CCSER1: variants seen among roughly 807,000 people sequenced by gnomAD.
The protein encoded by CCSER1 is serine-rich coiled-coil domain-containing protein 1.
A neutral mutation model predicts 82.0 loss-of-function variants in CCSER1; 41 were observed. The ratio of observed to expected loss-of-function variants is 0.50; its 90% confidence interval spans 0.39 to 0.65. The LOEUF (loss-of-function observed/expected upper bound fraction) is 0.65. Among genes scored for constraint, CCSER1 ranks in the 30% least tolerant of loss-of-function variants. The pLI is 0.00. For synonymous variants in CCSER1, 414 were observed against 383.9 expected (o/e 1.08, Z -0.92); for missense variants, 1,119 against 1,064.2 (o/e 1.05, Z -0.72).
chr4:91,179,493 G>A (rs1261500066), intron 10 of CCSER1, among the ~76,000 whole-genome samples: 13 of 152,158 alleles, frequency 8.5e-5, no homozygotes, highest in Non-Finnish European at 1.8e-4. Context: ...TGGAGGCTTT[G>A]TTCATTTCTT....
At chr4:90,294,143 C>G (rs1029962217) in intron 1 of CCSER1, among the ~76,000 whole-genome samples, 10 of 151,918 alleles carry the variant, frequency 6.6e-5, no homozygotes, top group Admixed American at 2.6e-4. Context: ...AAGTTGATCC[C>G]AATTTATAAA....
At chr4:90,142,528 A>G (rs182068386) in intron 1 of CCSER1, among the ~76,000 whole-genome samples, 11 of 152,326 alleles carry the variant, frequency 7.2e-5, no homozygotes, top group Non-Finnish European at 2.9e-5. Flanking sequence ...AAGCATAATC[A>G]TATTTAGCTT....
At chr4:90,861,596 G>T (rs983194504) in intron 8 of CCSER1, among the ~76,000 whole-genome samples, 2 of 151,568 alleles carry the variant, frequency 1.3e-5, no homozygotes, top group Non-Finnish European at 3.0e-5. Context: ...AGTAACTTTT[G>T]CTTGATGAAG....
chr4:90,545,615 C>G (rs1327176676), intron 5 of CCSER1, among the ~76,000 whole-genome samples: 2 of 152,056 alleles, frequency 1.3e-5, no homozygotes, highest in East Asian at 3.9e-4. Flanking sequence ...TTAGCCATGA[C>G]TATTCCTCAC....
intron 10 of CCSER1, among the ~76,000 whole-genome samples, chr4:91,497,278 T>C (rs1758975226): frequency 1.3e-5 from 2 of 151,818 alleles, no homozygotes; most frequent in African/African-American, 4.8e-5. Flanking sequence ...TTTAGAACAG[T>C]ATGAACACTT....
chr4:91,116,372 G>A (rs1726598542), intron 10 of CCSER1, among the ~76,000 whole-genome samples: 1 of 152,176 alleles, frequency 6.6e-6, no homozygotes, highest in Non-Finnish European at 1.5e-5. Context: ...CTCTGATTTA[G>A]TAAAAGAGTA....
At chr4:90,325,361 C>A (rs1273503983) in intron 3 of CCSER1, among the ~76,000 whole-genome samples, 1 of 152,082 alleles carries the variant, frequency 6.6e-6, no homozygotes, top group Non-Finnish European at 1.5e-5. Context: ...TTACCTGTAA[C>A]CCTACGAATC....
intron 10 of CCSER1, among the ~76,000 whole-genome samples, chr4:91,320,195 T>C (rs766272491): frequency 8.6e-5 from 13 of 151,986 alleles, no homozygotes; most frequent in African/African-American, 2.4e-5. Flanking sequence ...GTGCTTCAAA[T>C]GAAAAGGTGA....
intron 9 of CCSER1, among the ~76,000 whole-genome samples, chr4:91,042,818 A>G (rs1742091796): frequency 6.6e-6 from 1 of 152,226 alleles, no homozygotes; most frequent in African/African-American, 2.4e-5. Flanking sequence ...GGGGGAAATT[A>G]ACAAATGATC....
intron 8 of CCSER1, among the ~76,000 whole-genome samples, chr4:90,909,195 C>T (rs1021595707): frequency 2.0e-5 from 3 of 152,136 alleles, no homozygotes; most frequent in Non-Finnish European, 4.4e-5. Context: ...TCCAAATGTC[C>T]CTCTTCTTAT....
intron 10 of CCSER1, among the ~76,000 whole-genome samples, chr4:91,099,824 G>T (rs1161564741): frequency 6.6e-6 from 1 of 152,148 alleles, no homozygotes; most frequent in Non-Finnish European, 1.5e-5. Context: ...TCTTATAGTG[G>T]CTGCTCTTAG....
At chr4:90,616,730 CACACACACAA>C (rs1317641995) in intron 5 of CCSER1, among the ~76,000 whole-genome samples, 29 of 88,370 alleles carry the variant, frequency 3.3e-4, no homozygotes, top group Non-Finnish European at 1.0e-4. Context: ...CACACACACA[CACACACACAA>C]ATAAAATAAA....
chr4:91,358,528 A>G (rs1331354061), intron 10 of CCSER1, among the ~76,000 whole-genome samples: 1 of 152,010 alleles, frequency 6.6e-6, no homozygotes, highest in Non-Finnish European at 1.5e-5. Flanking sequence ...TCAAAATCCA[A>G]GTATCAAAAA....
chr4:90,802,143 G>A (rs1035348820), intron 7 of CCSER1, among the ~76,000 whole-genome samples: 12 of 151,422 alleles, frequency 7.9e-5, no homozygotes, highest in East Asian at 1.9e-4. Context: ...GCTTGAACCC[G>A]GGAGGCGGAG....
intron 6 of CCSER1, among the ~76,000 whole-genome samples, chr4:90,669,237 T>C (rs1348238942): frequency 1.3e-5 from 2 of 152,112 alleles, no homozygotes; most frequent in Non-Finnish European, 2.9e-5. Flanking sequence ...CTTTTGAATT[T>C]CTCAAATTTT....
chr4:90,317,234 T>A (rs1399226050), intron 3 of CCSER1, among the ~76,000 whole-genome samples: 1 of 152,116 alleles, frequency 6.6e-6, no homozygotes, highest in East Asian at 1.9e-4. Flanking sequence ...TAGATTCATA[T>A]ATAATGAACA....
intron 10 of CCSER1, among the ~76,000 whole-genome samples, chr4:91,197,076 T>C (rs1735497604): frequency 6.6e-6 from 1 of 152,204 alleles, no homozygotes; most frequent in Non-Finnish European, 1.5e-5. Flanking sequence ...CTTTTGAGGA[T>C]ACCTCCCAGA....
intron 10 of CCSER1, among the ~76,000 whole-genome samples, chr4:91,353,639 C>A (rs1748630280): frequency 6.6e-6 from 1 of 152,034 alleles, no homozygotes; most frequent in Non-Finnish European, 1.5e-5. Context: ...AGTGGGAGTT[C>A]TCACTCTTAT....
chr4:91,488,274 T>G (rs1758330523), intron 10 of CCSER1, among the ~76,000 whole-genome samples: 1 of 152,242 alleles, frequency 6.6e-6, no homozygotes, highest in South Asian at 2.1e-4. Flanking sequence ...ATATGGCAAT[T>G]ATTTTATGTG....
Sources: allele counts gnomAD v4.1 joint callset (sites outside exome capture counted in the v4.1 genomes callset), GRCh38; gene constraint gnomAD v4.1.1; transcripts MANE v1.5; gene names NCBI Gene and HGNC (gene_info 2026-07-23, HGNC 2026-07-21).